CFAP46: variants seen among roughly 807,000 people sequenced by gnomAD.
The protein encoded by CFAP46 is cilia- and flagella-associated protein 46.
A neutral mutation model predicts 325.7 loss-of-function variants in CFAP46; 245 were observed. The ratio of observed to expected loss-of-function variants is 0.75; its 90% confidence interval spans 0.68 to 0.84. CFAP46 has a LOEUF of 0.84. Among genes scored for constraint, CFAP46 ranks in the 40% least tolerant of loss-of-function variants. The pLI is 0.00. For missense variants in CFAP46, 3,346 were observed against 3,543.0 expected (o/e 0.94, Z 1.41); for synonymous variants, 1,523 against 1,495.9 (o/e 1.02, Z -0.42).
intron 31 of CFAP46, among the ~76,000 whole-genome samples, chr10:132,875,222 T>C (rs1848942572): frequency 6.7e-6 from 1 of 149,660 alleles, no homozygotes; most frequent in South Asian, 2.1e-4. Flanking sequence ...CTCTGGTCTA[T>C]TGTTAAGAGA....
In CFAP46 at chr10:132,808,535, G is replaced by T; in HGVS notation, c.8034C>A (p.Gly2678=). The change falls in exon 58 of 58, where the codon GGC becomes GGA. Residue 2678 remains glycine, a synonymous_variant. Transcript: ENST00000368586. This position sits in a 1 kb window ranked among gnomAD's most constrained non-coding sequence, Gnocchi z 6.8. ...CLCAPWGLRR[G]WSCVSSRGQD... is the part of the protein sequence containing the mutation. ...GGCCCCGGGAAGAGACGCAGCTCCA[G>T]CCCCGACGCAGACCCCATGGCGCAC... The T allele has an allele frequency of 6.2e-7, 1 of 1,613,058 alleles. No homozygotes were observed. The highest frequency in any genetic ancestry group is 8.5e-7 in the Non-Finnish European group (1 of 1,179,980).
intron 25 of CFAP46, among the ~76,000 whole-genome samples, chr10:132,887,181 C>G (rs1849149564): frequency 1.5e-5 from 1 of 68,110 alleles, no homozygotes; most frequent in African/African-American, 8.6e-5. Flanking sequence ...CCTCTCCCCT[C>G]TTCTCTCTCT....
chr10:132,836,159 T>C lies in CFAP46; in HGVS notation c.6596A>G (p.Lys2199Arg), dbSNP rs1176854421. The C allele has an allele frequency of 6.3e-7, 1 of 1,594,318 alleles. No individual in the cohort carries two copies. The highest frequency in any genetic ancestry group is 1.4e-5 in the African/African-American group (1 of 72,146). ...CTGCTCACCTCCCACCGCCTGCACCTTTCCTTTGGCTGCAGTAATGAACTT... is the reference window on the plus strand; with the variant it reads ...CTGCTCACCTCCCACCGCCTGCACCCTTCCTTTGGCTGCAGTAATGAACTT... ...KPKFITAAKGKVQAVGGSCKV... is the reference protein window; with the variant it reads ...KPKFITAAKGRVQAVGGSCKV... The change falls in exon 46 of 58, where the codon AAG becomes AGG. Residue 2199 changes from lysine to arginine, a missense_variant. Physicochemically the swap from Lys to Arg is conservative, Grantham distance 26. Coordinates refer to ENST00000368586, the MANE Select transcript of CFAP46 (RefSeq NM_001200049.3).
chr10:132,933,553 A>G (rs1021044032), intron 8 of CFAP46, among the ~76,000 whole-genome samples: 30 of 152,284 alleles, frequency 2.0e-4, no homozygotes, highest in Non-Finnish European at 7.4e-5. Context: ...CCCCATGTAC[A>G]CATGCACTCA....
At chr10:132,809,873 G>T (rs1847542764) in intron 57 of CFAP46, among the ~76,000 whole-genome samples, 1 of 152,202 alleles carries the variant, frequency 6.6e-6, no homozygotes, top group Non-Finnish European at 1.5e-5. Flanking sequence ...CATGTGACAG[G>T]CAGGCTGCTC....
At chr10:132,879,359 G>A in intron 29 of CFAP46, 67 bp downstream of exon 29, 8 of 1,407,120 alleles carry the variant, frequency 5.7e-6, no homozygotes, top group Non-Finnish European at 7.5e-6. Context: ...GCTCACTGCG[G>A]TTTCCCCAGC....
At chr10:132,870,242 C>T (rs1389637584) in intron 32 of CFAP46, among the ~76,000 whole-genome samples, 2 of 152,116 alleles carry the variant, frequency 1.3e-5, no homozygotes, top group African/African-American at 2.4e-5. Flanking sequence ...TGGCCGCTCC[C>T]GCATTTCTCT....
At chr10:132,843,764 C>T (rs1848386096) in intron 44 of CFAP46, among the ~76,000 whole-genome samples, 1 of 117,806 alleles carries the variant, frequency 8.5e-6, no homozygotes, top group Admixed American at 8.5e-5. Flanking sequence ...GGGCTCTGGT[C>T]TCAGTGGGTG....
intron 37 of CFAP46, 69 bp from the exon 38 acceptor site, chr10:132,859,316 T>C (rs1266043447): frequency 7.2e-7 from 1 of 1,379,776 alleles, no homozygotes; most frequent in African/African-American, 1.5e-5. Context: ...GCGGCTGGGC[T>C]GCCGCTGTTC....
intron 50 of CFAP46, among the ~76,000 whole-genome samples, chr10:132,821,404 C>CTTG (rs201142536): frequency 1.0e-5 from 1 of 98,544 alleles, no homozygotes; most frequent in Non-Finnish European, 1.9e-5. Context: ...TGTGTGTGTG[C>CTTG]TGTGTGCTGT....
chr10:132,881,898 G>A (rs1213386795), intron 27 of CFAP46, among the ~76,000 whole-genome samples: 4 of 152,254 alleles, frequency 2.6e-5, no homozygotes, highest in South Asian at 2.1e-4. Flanking sequence ...CTCTGTGCTC[G>A]GCACTCACAC....
chr10:132,834,815 G>A (rs747964572), intron 47 of CFAP46, 40 bp from the exon 48 acceptor site: 3 of 1,598,738 alleles, frequency 1.9e-6, no homozygotes, highest in South Asian at 1.1e-5. Context: ...AGCAAACAGG[G>A]CGCATGGCCC....
rs1415488352 is a variant in CFAP46, at chr10:132,814,706, A to T, written c.7229T>A (p.Val2410Asp). The change falls in exon 52 of 58, where the codon GTC (valine) becomes GAC (aspartate). Residue 2410 changes from valine to aspartate, a missense_variant. By Grantham distance (152) the Val-to-Asp change is radical (BLOSUM62 -3). Coordinates refer to ENST00000368586, the MANE Select transcript of CFAP46 (RefSeq NM_001200049.3). ...GATACACTTGAAGTTGTCTGAGTCG[A>T]CTATGATGCAGTCAGGGGGGATGGT... ...PRTIPPDCII[V>D]DSDNFKFVVD... 6.2e-7 allele frequency: 1 copy of T among 1,610,904 alleles called. No homozygotes were observed. The highest frequency in any genetic ancestry group is 1.1e-5 in the South Asian group (1 of 90,890).
At chr10:132,885,463 C>T (rs948088225) in intron 26 of CFAP46, among the ~76,000 whole-genome samples, 177 bp from the exon 27 acceptor site, 1 of 151,564 alleles carries the variant, frequency 6.6e-6, no homozygotes, top group Non-Finnish European at 1.5e-5. Flanking sequence ...GCGGGGGCCT[C>T]GGGGCTATGC....
At chr10:132,891,150 C>T (rs529590634) in intron 25 of CFAP46, among the ~76,000 whole-genome samples, 11 of 152,192 alleles carry the variant, frequency 7.2e-5, no homozygotes, top group South Asian at 2.1e-4. Flanking sequence ...CCAGACTTCG[C>T]GGCAGCCACG....
At position 132,937,650 on chromosome 10, in the gene CFAP46, C is replaced by T. The variant is rs1850030539; in HGVS notation, c.562G>A (p.Ala188Thr). The change falls in exon 6 of 58, where the codon GCC becomes ACC. Residue 188 changes from alanine to threonine, a missense_variant. Physicochemically the swap from Ala to Thr is moderately conservative, Grantham distance 58. Coordinates refer to ENST00000368586, the MANE Select transcript of CFAP46 (RefSeq NM_001200049.3). ...CTGGCAGCCTCCTCCTTTCTTCCGG[C>T]TTGCAGATAACACTCCAGAAGTTCC... ...MLELLECYLQ[A>T]GRKEEAARFC... is the part of the protein sequence containing the mutation. 2 of 1,612,102 alleles carry T rather than the reference C, an allele frequency of 1.2e-6. No homozygotes were observed. Among genetic ancestry groups the T allele is most frequent in the East Asian group, 2.2e-5 (1 of 44,872 alleles).
rs189775198 is a variant in CFAP46, at chr10:132,857,650, G to T, written c.5514C>A (p.Gly1838=). Residue 1838 remains glycine (G), a synonymous_variant, in exon 39 of 58, where the codon GGC becomes GGA. Coordinates refer to ENST00000368586, the MANE Select transcript of CFAP46 (RefSeq NM_001200049.3). The part of the protein sequence containing the change: ...SIQGLYGLAQ[G]AMAEEEGRLH... ...GCCTCCCTTCTTCCTCAGCCATGGCGCCCTGGGCCAGGCCATATAAGCCCT... is the reference window on the plus strand; with the variant it reads ...GCCTCCCTTCTTCCTCAGCCATGGCTCCCTGGGCCAGGCCATATAAGCCCT... 2 of 1,612,926 alleles carry T rather than the reference G, an allele frequency of 1.2e-6. No homozygotes were observed. Among genetic ancestry groups the T allele is most frequent in the East Asian group, 2.2e-5 (1 of 44,850 alleles).
intron 56 of CFAP46, 30 bp downstream of exon 56, chr10:132,810,920 C>T (rs1164345660): frequency 6.4e-7 from 1 of 1,559,534 alleles, no homozygotes; most frequent in African/African-American, 1.4e-5. Flanking sequence ...CCTCAGCATC[C>T]CTGCCCACCC....
chr10:132,916,831 G>A (rs1004276688), intron 16 of CFAP46, 149 bp from the exon 17 acceptor site: 10 of 1,170,764 alleles, frequency 8.5e-6, no homozygotes, highest in Middle Eastern at 2.5e-4. Context: ...TGCAAGCTGG[G>A]CCTGCCCCAA....
Sources: gnomAD v4.1 joint callset for allele counts (sites outside exome capture counted in the v4.1 genomes callset) on GRCh38, gnomAD v4.1.1 for gene constraint, Gnocchi (gnomAD v3.1) non-coding constraint, MANE v1.5 for transcripts, NCBI Gene and HGNC (gene_info 2026-07-23, HGNC 2026-07-21) for gene names.